GNG12: variants seen among roughly 807,000 people sequenced by gnomAD.
GNG12 encodes the protein G protein subunit gamma 12, also known as guanine nucleotide-binding protein G(I)/G(S)/G(O) subunit gamma-12.
For synonymous variants in GNG12, 28 were observed against 29.7 expected (o/e 0.94, Z 0.19); for missense variants, 69 against 83.8 (o/e 0.82, Z 0.69).
chr1:67,794,558 G>A (rs1025817439), intron 1 of GNG12, among the ~76,000 whole-genome samples: 2 of 152,172 alleles, frequency 1.3e-5, no homozygotes, highest in Non-Finnish European at 2.9e-5. Flanking sequence ...GGTCTTTCAT[G>A]GCAAACAGCA....
intron 1 of GNG12, among the ~76,000 whole-genome samples, chr1:67,789,598 T>C (rs530198801): frequency 1.3e-5 from 2 of 152,304 alleles, no homozygotes; most frequent in Admixed American, 1.3e-4. Context: ...CTATTACTCT[T>C]TTTGCCGACA....
chr1:67,817,224 C>A (rs141136062), intron 1 of GNG12, among the ~76,000 whole-genome samples: 1,587 of 152,172 alleles, frequency 0.01, 21 homozygotes, highest in Non-Finnish European at 0.016. Context: ...TTACATATGT[C>A]CAGAGATGGG....
intron 1 of GNG12, among the ~76,000 whole-genome samples, chr1:67,798,664 T>C (rs968470628): frequency 6.6e-6 from 1 of 151,964 alleles, no homozygotes; most frequent in Admixed American, 6.6e-5. Context: ...ACTTAATAAA[T>C]AGTAAATCTG....
Position 67,705,460 on chromosome 1 carries a change from G to T in GNG12, c.210C>A (p.Ile70=). The change falls in exon 4 of 4, where the codon ATC becomes ATA. Residue 70 remains isoleucine, a synonymous_variant. Coordinates refer to ENST00000370982, the MANE Select transcript of GNG12 (RefSeq NM_018841.6). ...CTGTTTCTCTATTCCACTATAAGAT[G>T]ATGCAAGTTTTTTTATCCTTGAAAG... is the stretch of plus-strand genomic sequence containing the variant. The part of the protein sequence containing the change: ...ENPFKDKKTC[I]IL The T allele has an allele frequency of 6.2e-7, 1 of 1,613,956 alleles. No individual in the cohort carries two copies. Among genetic ancestry groups the T allele is most frequent in the Non-Finnish European group, 8.5e-7 (1 of 1,179,954 alleles).
In GNG12 at chr1:67,707,296, G is replaced by A. The variant is rs1006263685; in HGVS notation, c.93+298C>T. The stretch of plus-strand genomic sequence containing the variant: ...TTTATGAAGTCTACTTGGAACCCCT[G>A]TCCCACTTTAGAACACAGGGATCAA... On this transcript the variant is annotated intron_variant, in intron 3 of 3. Coordinates refer to ENST00000370982, the MANE Select transcript of GNG12 (RefSeq NM_018841.6). Among the ~76,000 whole-genome samples, 8 of 152,316 alleles carry A rather than the reference G, an allele frequency of 5.3e-5. No homozygotes were observed. In the East Asian group the frequency reaches 1.5e-3, roughly 29 times the overall value.
chr1:67,796,304 A>C (rs1646831074), intron 1 of GNG12, among the ~76,000 whole-genome samples: 1 of 152,144 alleles, frequency 6.6e-6, no homozygotes, highest in South Asian at 2.1e-4. Context: ...CAGATAACCC[A>C]GTCTTTCCTT....
At chr1:67,804,025 CAA>C (rs1241793591) in intron 1 of GNG12, among the ~76,000 whole-genome samples, 1 of 152,068 alleles carries the variant, frequency 6.6e-6, no homozygotes, top group African/African-American at 2.4e-5. Context: ...CTTTGGCAAA[CAA>C]GAGAGAAAGA....
intron 2 of GNG12, chr1:67,772,784 G>A (rs183337853): frequency 6.6e-6 from 1 of 152,366 alleles, no homozygotes; most frequent in African/African-American, 2.4e-5. Flanking sequence ...TGGCCATGCT[G>A]ATTCAGGCAG....
chr1:67,710,154 A>ATATATATATAGT (rs1646284810), intron 2 of GNG12, among the ~76,000 whole-genome samples: 5 of 8,218 alleles, frequency 6.1e-4, no homozygotes, highest in Non-Finnish European at 1.2e-3. Flanking sequence ...ATATATAGTT[A>ATATATATATAGT]TATATATATA....
intron 1 of GNG12, among the ~76,000 whole-genome samples, chr1:67,783,755 A>G (rs1440692764): frequency 2.0e-5 from 3 of 152,176 alleles, no homozygotes; most frequent in African/African-American, 4.8e-5. Flanking sequence ...GCAAATCAAA[A>G]CCACAATGAG....
At chr1:67,706,657 T>A (rs1288961458) in intron 3 of GNG12, among the ~76,000 whole-genome samples, 17 of 13,914 alleles carry the variant, frequency 1.2e-3, no homozygotes, top group Admixed American at 0.011. Context: ...CTTTTCTTTC[T>A]TTTTTTTTTT....
intron 1 of GNG12, among the ~76,000 whole-genome samples, chr1:67,822,724 G>GT (rs1253372629): frequency 7.0e-6 from 1 of 143,398 alleles, no homozygotes; most frequent in Non-Finnish European, 1.6e-5. Flanking sequence ...AATTATTTTT[G>GT]TTTTTTTGCT....
chr1:67,762,274 T>C (rs1400003843), intron 2 of GNG12, among the ~76,000 whole-genome samples: 1 of 152,144 alleles, frequency 6.6e-6, no homozygotes, highest in African/African-American at 2.4e-5. Flanking sequence ...GCCTACCCCA[T>C]GGACTTGAAA....
At chr1:67,730,766 T>C (rs1646414303) in intron 2 of GNG12, among the ~76,000 whole-genome samples, 1 of 152,186 alleles carries the variant, frequency 6.6e-6, no homozygotes. Context: ...AAACAAACAA[T>C]TCATCAAATA....
At chr1:67,786,240 ACC>A (rs1646766825) in intron 1 of GNG12, among the ~76,000 whole-genome samples, 1 of 152,182 alleles carries the variant, frequency 6.6e-6, no homozygotes, top group East Asian at 1.9e-4. Flanking sequence ...AAAACTGAAT[ACC>A]CCAGCCTATA....
At chr1:67,800,952 T>C (rs1646861002) in intron 1 of GNG12, among the ~76,000 whole-genome samples, 1 of 151,898 alleles carries the variant, frequency 6.6e-6, no homozygotes, top group African/African-American at 2.4e-5. Context: ...CAAATGTAAC[T>C]TCATATTATG....
intron 2 of GNG12, among the ~76,000 whole-genome samples, chr1:67,712,936 C>T (rs907093488): frequency 6.6e-6 from 1 of 152,016 alleles, no homozygotes; most frequent in Non-Finnish European, 1.5e-5. Context: ...ACCACGTTGA[C>T]CAGGCTGGTC....
intron 2 of GNG12, among the ~76,000 whole-genome samples, chr1:67,763,832 T>C (rs1176041585): frequency 2.6e-5 from 4 of 152,192 alleles, no homozygotes; most frequent in Non-Finnish European, 4.4e-5. Flanking sequence ...TAAAAGAATA[T>C]GTTAAGATTG....
At chr1:67,815,335 A>G (rs1448899876) in intron 1 of GNG12, among the ~76,000 whole-genome samples, 1 of 152,222 alleles carries the variant, frequency 6.6e-6, no homozygotes, top group Admixed American at 6.5e-5. Flanking sequence ...TTTCTAGTCA[A>G]AATTCAATAG....
Sources: gnomAD v4.1 joint callset for allele counts (sites outside exome capture counted in the v4.1 genomes callset) on GRCh38, gnomAD v4.1.1 for gene constraint, MANE v1.5 for transcripts, NCBI Gene and HGNC (gene_info 2026-07-23, HGNC 2026-07-21) for gene names.